CLCNKB: variants seen among roughly 807,000 people sequenced by gnomAD.
The protein encoded by CLCNKB is chloride channel protein ClC-Kb.
CLCNKB carries 74 observed loss-of-function variants against 83.8 expected under a neutral mutation model. The ratio of observed to expected loss-of-function variants is 0.88; its 90% CI spans 0.73 to 1.07. The LOEUF is 1.07. Ranked by LOEUF, CLCNKB falls within the 50% of genes least tolerant of loss-of-function variation. CLCNKB has a pLI of 0.00. For synonymous variants in CLCNKB, 358 were observed against 356.6 expected, an observed-to-expected ratio of 1.00 and a Z score of -0.04; for missense variants, 798 against 893.6, an observed-to-expected ratio of 0.89 and a Z score of 1.36.
At chr1:16,049,279 C>T (rs562685135) in intron 8 of CLCNKB, 34 bp downstream of exon 8, 2 of 1,611,046 alleles carry the variant, frequency 1.2e-6, no homozygotes, top group Non-Finnish European at 1.7e-6. Flanking sequence ...CCTGGCCCTG[C>T]CTGGGGGCCG....
chr1:16,056,643 C>G, intron 19 of CLCNKB, 135 bp downstream of exon 19: 1 of 1,114,178 alleles, frequency 9.0e-7, no homozygotes, highest in East Asian at 2.4e-5. Flanking sequence ...ACTGATGAGT[C>G]CCTCTTCTTG....
In CLCNKB at chr1:16,055,687, G is replaced by A. The variant is rs773675939; in HGVS notation, c.1858G>A (p.Asp620Asn). 2.5e-6 allele frequency: 4 copies of A among 1,613,826 alleles called. No individual in the cohort carries two copies. Among genetic ancestry groups the A allele is most frequent in the Non-Finnish European group, 3.4e-6 (4 of 1,180,010 alleles). ...TCCCCACCCCCAGCAGTGTCTCCAGGACATCTTGGCTGCAGGCTGCCCCAC... is the reference window on the plus strand; with the variant it reads ...TCCCCACCCCCAGCAGTGTCTCCAGAACATCTTGGCTGCAGGCTGCCCCAC... Reference protein sequence around the residue: ...WAPGHQQCLQDILAAGCPTEP... With the variant: ...WAPGHQQCLQNILAAGCPTEP... Residue 620 changes from aspartate (D) to asparagine (N), a missense_variant, in exon 18 of 20, where the codon GAC (aspartate) becomes AAC (asparagine). Coordinates refer to ENST00000375679, the MANE Select transcript of CLCNKB (RefSeq NM_000085.5).
intron 16 of CLCNKB, among the ~76,000 whole-genome samples, chr1:16,054,667 A>G (rs2023388528): frequency 6.6e-6 from 1 of 152,092 alleles, no homozygotes; most frequent in Admixed American, 6.5e-5. Context: ...CTCATCTGAA[A>G]ATGTTTGCAT....
Position 16,052,129 on chromosome 1 carries a change from G to A in CLCNKB, c.1409-69G>A, listed in dbSNP as rs541573247. Reference sequence around the variant, plus strand: ...CACACCTTAGCCCCTGGTCGCAGCCGTGCCAGCCTTGCCCTAACATGAGGC... The same window carrying A: ...CACACCTTAGCCCCTGGTCGCAGCCATGCCAGCCTTGCCCTAACATGAGGC... On this transcript the variant is annotated intron_variant, in intron 14 of 19. Coordinates refer to ENST00000375679, the MANE Select transcript of CLCNKB (RefSeq NM_000085.5). 1,219 of 1,592,394 alleles carry A rather than the reference G, an allele frequency of 7.7e-4. 23 individuals carry two copies. In the South Asian group the frequency reaches 0.013, roughly 16 times the overall value.
chr1:16,053,703 C>A lies in CLCNKB; in HGVS notation c.1687C>A (p.Pro563Thr). The change falls in exon 16 of 20, where the codon CCA becomes ACA. Residue 563 changes from proline (P) to threonine (T), a missense_variant. By Grantham distance (38) the Pro-to-Thr change is conservative. Transcript: ENST00000375679. ...HSITTLAKDM[P>T]LEEVVKVVTS... ...CATCACCACACTGGCCAAGGACATG[C>A]CACTGGAGGAGGTGGTCAAGGTTGT... is the stretch of plus-strand genomic sequence containing the variant. The A allele has an allele frequency of 6.2e-7, 1 of 1,613,952 alleles. No homozygotes were observed. Among genetic ancestry groups the A allele is most frequent in the South Asian group, 1.1e-5 (1 of 91,074 alleles).
rs1278233588 is a variant in CLCNKB at position 16,055,057 on chromosome 1, G to A, written c.1757-378G>A. 3.3e-5 allele frequency among the ~76,000 whole-genome samples: 5 copies of A among 152,168 alleles called. No homozygotes were observed. In the East Asian group the frequency reaches 5.8e-4, roughly 18 times the overall value. ...TGGGTTCACACCTTCACTGTGCTGC[G>A]CCAAATGTGAAGCCTCTTGGGAAAT... On this transcript the variant is annotated intron_variant, in intron 16 of 19. Transcript: ENST00000375679.
In CLCNKB at chr1:16,053,705, A is replaced by C. The variant is rs185493054; in HGVS notation, c.1689A>C (p.Pro563=). 6.2e-7 allele frequency: 1 copy of C among 1,613,784 alleles called. No homozygotes were observed. The highest frequency in any genetic ancestry group is 1.3e-5 in the African/African-American group (1 of 74,874). The change falls in exon 16 of 20, where the codon CCA becomes CCC. Residue 563 remains proline, a synonymous_variant. Coordinates refer to ENST00000375679, the MANE Select transcript of CLCNKB (RefSeq NM_000085.5). ...HSITTLAKDM[P]LEEVVKVVTS... is the part of the protein sequence containing the mutation. ...TCACCACACTGGCCAAGGACATGCC[A>C]CTGGAGGAGGTGGTCAAGGTTGTGA...
At chr1:16,045,940 G>T (rs1190472256) in intron 3 of CLCNKB, among the ~76,000 whole-genome samples, 15 of 152,206 alleles carry the variant, frequency 9.9e-5, no homozygotes, top group Non-Finnish European at 2.1e-4. Flanking sequence ...TGAGCTCTCT[G>T]CCTCCTCTTC....
At chr1:16,055,636 G>A (rs370053962) in intron 17 of CLCNKB, 39 bp from the exon 18 acceptor site, 53 of 1,609,284 alleles carry the variant, frequency 3.3e-5, no homozygotes, top group Non-Finnish European at 4.5e-5. Context: ...GCATCCTGGG[G>A]AGGCCAGCCC....
chr1:16,044,442 G>A (rs767165327), intron 1 of CLCNKB, 44 bp from the exon 2 acceptor site: 107 of 1,511,292 alleles, frequency 7.1e-5, no homozygotes, highest in Middle Eastern at 5.6e-4. Context: ...GTGCGAGGAC[G>A]TGCAGCAGCT....
intron 19 of CLCNKB, 133 bp downstream of exon 19, chr1:16,056,641 G>C: frequency 9.0e-7 from 1 of 1,117,062 alleles, no homozygotes; most frequent in African/African-American, 1.5e-5. Context: ...ATACTGATGA[G>C]TCCCTCTTCT....
chr1:16,045,237 A>G (rs1158906475), intron 2 of CLCNKB, among the ~76,000 whole-genome samples: 1 of 152,118 alleles, frequency 6.6e-6, no homozygotes, highest in Non-Finnish European at 1.5e-5. Flanking sequence ...TGCAGGTGAA[A>G]GCTGTAGCTG....
chr1:16,052,521 G>A lies in CLCNKB; in HGVS notation c.1622+110G>A, dbSNP rs112841009. The A allele has an allele frequency of 5.0e-3, 6,489 of 1,308,478 alleles. 277 individuals are homozygous for A. The African/African-American group carries it at 0.089, about 18-fold the overall frequency. 81.1% of individuals were successfully genotyped at this position (1,308,478 alleles called of 1,614,324 possible). ...GCCACCGTAGCTGACCTCGGACATG[G>A]GGGCTGACACACAGCTGTGCTCTGT... On this transcript the variant is annotated intron_variant, in intron 15 of 19. Transcript: ENST00000375679.
intron 13 of CLCNKB, 46 bp from the exon 14 acceptor site, chr1:16,051,664 G>A (rs1341782660): frequency 6.2e-7 from 1 of 1,606,172 alleles, no homozygotes; most frequent in Non-Finnish European, 8.5e-7. Context: ...GAGGGCTGTG[G>A]GGGCCGGGTC....
At chr1:16,049,273 G>T in intron 8 of CLCNKB, 28 bp downstream of exon 8, 1 of 1,611,874 alleles carries the variant, frequency 6.2e-7, no homozygotes. Flanking sequence ...CCTGACCCTG[G>T]CCCTGCCTGG....
chr1:16,056,983 C>T lies in CLCNKB; in HGVS notation c.*67C>T. 1 of 1,427,880 alleles carries T rather than the reference C, an allele frequency of 7.0e-7. No homozygotes were observed. Among genetic ancestry groups the T allele is most frequent in the Admixed American group, 1.8e-5 (1 of 56,948 alleles). 88.5% of individuals were successfully genotyped at this position (1,427,880 alleles called of 1,614,324 possible). ...GTACTGAGGTTGGGCTGAGACCCTG[C>T]TTCTCTTCCCCCATCACCACCTGCC... On this transcript the variant is annotated 3_prime_UTR_variant, in exon 20 of 20. Coordinates refer to ENST00000375679, the MANE Select transcript of CLCNKB (RefSeq NM_000085.5).
At chr1:16,048,751 C>T in intron 7 of CLCNKB, 169 bp downstream of exon 7, 2 of 1,473,420 alleles carry the variant, frequency 1.4e-6, no homozygotes, top group Non-Finnish European at 9.0e-7. Flanking sequence ...GGAGGGGGGG[C>T]GGGTGACTTG....
rs756697320 is a variant in CLCNKB at position 16,046,677 on chromosome 1, C to G, written c.358+14C>G. On this transcript the variant is annotated intron_variant, in intron 4 of 19. Transcript: ENST00000375679. The stretch of plus-strand genomic sequence containing the variant: ...CCTCCTCTGGAGGTGAGTCCACAGT[C>G]GCTACGCCAGTCCCCACTGGCCAAA... The G allele has an allele frequency of 6.2e-7, 1 of 1,608,524 alleles. No homozygotes were observed. The highest frequency in any genetic ancestry group is 1.3e-5 in the African/African-American group (1 of 74,200).
chr1:16,048,636 C>A (rs1205563419), intron 7 of CLCNKB, 54 bp downstream of exon 7: 2 of 1,605,436 alleles, frequency 1.2e-6, no homozygotes, highest in African/African-American at 1.4e-5. Context: ...TCCCCTCACA[C>A]CCTGGGCTCC....
Sources: allele counts gnomAD v4.1 joint callset (sites outside exome capture counted in the v4.1 genomes callset), GRCh38; gene constraint gnomAD v4.1.1; transcripts MANE v1.5; gene names NCBI Gene and HGNC (gene_info 2026-07-23, HGNC 2026-07-21).